NUTM1: variants seen among roughly 807,000 people sequenced by gnomAD.
NUTM1 encodes NUT midline carcinoma family member 1.
Under a neutral mutation model 88.7 loss-of-function variants are expected in NUTM1, and 39 were observed. The ratio of observed to expected loss-of-function variants is 0.44; its 90% CI spans 0.34 to 0.57. The LOEUF (loss-of-function observed/expected upper bound fraction) is 0.57. Ranked by LOEUF, NUTM1 falls within the 20% of genes least tolerant of loss-of-function variation. The pLI, the probability that NUTM1 is intolerant of heterozygous loss-of-function variation, is 0.01. For synonymous variants in NUTM1, 494 were observed against 538.0 expected, an observed-to-expected ratio of 0.92 and a Z score of 1.13; for missense variants, 1,350 against 1,414.5, an observed-to-expected ratio of 0.95 and a Z score of 0.73.
chr15:34,357,613 T>G lies in NUTM1; in HGVS notation c.*122T>G, dbSNP rs896465683. The G allele has an allele frequency of 3.8e-6, 6 of 1,580,980 alleles. No individual in the cohort carries two copies. In the African/African-American group the frequency reaches 6.7e-5, roughly 18 times the overall value. On this transcript the variant is annotated 3_prime_UTR_variant, in exon 8 of 8. Coordinates refer to ENST00000537011, the MANE Select transcript of NUTM1 (RefSeq NM_001284292.2). ...TGTTGAATCTCATCCCAATGTTGTT[T>G]TGTTGTTCTGCAAAAGTGGCAAGCA...
chr15:34,343,494 A>C lies in NUTM1; in HGVS notation c.-203A>C. The C allele has an allele frequency of 8.2e-7, 1 of 1,215,078 alleles. No homozygotes were observed. Among genetic ancestry groups the C allele is most frequent in the South Asian group, 1.5e-5 (1 of 67,784 alleles). The allele number at this position is 1,215,078 out of a possible 1,614,324, so 75.3% of individuals were successfully genotyped here. A position where few individuals can be genotyped will look rare whatever the true frequency, so the allele number is the denominator to read the frequency against. On this transcript the variant is annotated 5_prime_UTR_variant, in exon 1 of 8. Transcript: ENST00000537011. ...AGCCCCTTTACCCTAGGGAAGAAAG[A>C]AGAGGTTTTCTTCCCTCCCCTCTTT...
Position 34,355,689 on chromosome 15 carries a change from G to A in NUTM1, c.1681G>A (p.Ala561Thr). The A allele has an allele frequency of 1.2e-6, 2 of 1,609,436 alleles. No homozygotes were observed. Among genetic ancestry groups the A allele is most frequent in the Non-Finnish European group, 1.7e-6 (2 of 1,177,422 alleles). ...AAAGGTTTCTTCTTCAGGAAAACGG[G>A]CAAGAGAAGTGCATGGTGGGCAGGA... ...LGKVSSSGKRAREVHGGQEQA... is the reference protein window; with the variant it reads ...LGKVSSSGKRTREVHGGQEQA... Residue 561 changes from alanine (A) to threonine (T), a missense_variant, in exon 8 of 8, where the codon GCA becomes ACA. By Grantham distance (58) the Ala-to-Thr change is moderately conservative (BLOSUM62 0). This residue lies in a region of NUTM1 where 730 missense variants were observed against 728.8 expected (regional missense o/e 1.00). Coordinates refer to ENST00000537011, the MANE Select transcript of NUTM1 (RefSeq NM_001284292.2). This position sits in a 1 kb window ranked among gnomAD's most constrained non-coding sequence, Gnocchi z 4.3.
Position 34,354,640 on chromosome 15 carries a change from G to A in NUTM1, c.1270G>A (p.Gly424Arg). ...GTCAGATGGAAAACAAGAGGAAGAA[G>A]GGCAGCAGCAGGAGGAGGAAGGGAT... Reference protein sequence around the residue: ...GESDGKQEEEGQQQEEEGMYP... With the variant: ...GESDGKQEEERQQQEEEGMYP... The change falls in exon 6 of 8, where the codon GGG becomes AGG. Residue 424 changes from glycine (G) to arginine (R), a missense_variant. By Grantham distance (125) the Gly-to-Arg change is moderately radical. This residue lies in a region of NUTM1 where 126 missense variants were observed against 189.8 expected (regional missense o/e 0.66). Transcript: ENST00000537011. The A allele has an allele frequency of 1.2e-6, 2 of 1,614,162 alleles. No homozygotes were observed. The highest frequency in any genetic ancestry group is 1.7e-6 in the Non-Finnish European group (2 of 1,180,024).
intron 3 of NUTM1, 101 bp downstream of exon 3, chr15:34,348,778 A>T: frequency 1.3e-6 from 1 of 758,284 alleles, no homozygotes; most frequent in Non-Finnish European, 2.2e-6. Flanking sequence ...ACTTGAGGGA[A>T]GGTCATGAGG....
chr15:34,347,074 T>C (rs1890606400), intron 2 of NUTM1, among the ~76,000 whole-genome samples: 1 of 151,898 alleles, frequency 6.6e-6, no homozygotes, highest in Non-Finnish European at 1.5e-5. Flanking sequence ...TCCCCATCCA[T>C]ATCCCCTCTT....
intron 1 of NUTM1, 179 bp from the exon 2 acceptor site, chr15:34,345,763 G>T: frequency 1.3e-6 from 1 of 792,356 alleles, no homozygotes; most frequent in Non-Finnish European, 1.9e-6. Context: ...TAGTTTGAAG[G>T]GAATTCCTGG....
rs537822814 is a variant in NUTM1 at position 34,348,733 on chromosome 15, T to C, written c.809+56T>C. The stretch of plus-strand genomic sequence containing the variant: ...TAGGGCTTTTAAATAAGGAGGACTT[T>C]GGGGTGAACATAGTAGTTTAGGCTG... On this transcript the variant is annotated intron_variant, in intron 3 of 7. Transcript: ENST00000537011. 5 of 1,295,688 alleles carry C rather than the reference T, an allele frequency of 3.9e-6. No individual in the cohort carries two copies. The African/African-American group carries it at 4.4e-5, about 11-fold the overall frequency. 80.3% of individuals were successfully genotyped at this position (1,295,688 alleles called of 1,614,324 possible). A position where few individuals can be genotyped will look rare whatever the true frequency, so the allele number is the denominator to read the frequency against.
chr15:34,351,470 T>C (rs1030344031), intron 4 of NUTM1, among the ~76,000 whole-genome samples: 3 of 151,936 alleles, frequency 2.0e-5, no homozygotes, highest in African/African-American at 7.3e-5. Context: ...TTGCTTCTTC[T>C]TCCACCACCT....
intron 2 of NUTM1, 49 bp from the exon 3 acceptor site, chr15:34,347,920 T>TTTA (rs745806489): frequency 1.8e-6 from 2 of 1,124,664 alleles, no homozygotes; most frequent in South Asian, 3.3e-5. Context: ...TGGCTAACTC[T>TTTA]GGTCTTCTTT....
rs1890530304 is a variant in NUTM1 at position 34,343,784 on chromosome 15, T to C, written c.6+82T>C. The C allele has an allele frequency of 2.4e-6, 3 of 1,260,112 alleles. No individual in the cohort carries two copies. In the Admixed American group the frequency reaches 7.0e-5, roughly 29 times the overall value. The allele number at this position is 1,260,112 out of a possible 1,614,324, so 78.1% of individuals were successfully genotyped here. A position where few individuals can be genotyped will look rare whatever the true frequency, so the allele number is the denominator to read the frequency against. ...TAAAAGAATATAGAAGTTCTCCTTA[T>C]AAGACTCTCGTTTAAAGAAATGAAA... On this transcript the variant is annotated intron_variant, in intron 1 of 7. Coordinates refer to ENST00000537011, the MANE Select transcript of NUTM1 (RefSeq NM_001284292.2).
chr15:34,354,558 G>A lies in NUTM1; in HGVS notation c.1188G>A (p.Val396=), dbSNP rs753701720. 1 of 1,614,190 alleles carries A rather than the reference G, an allele frequency of 6.2e-7. No homozygotes were observed. ...CCAAGGAGATCCCACCAGAAGCTGT[G>A]AAGGAGTATGTTGACATCATGGAAT... ...EAPKEIPPEA[V]KEYVDIMEWL... The change falls in exon 6 of 8, where the codon GTG becomes GTA. Residue 396 remains valine (V), a synonymous_variant. Coordinates refer to ENST00000537011, the MANE Select transcript of NUTM1 (RefSeq NM_001284292.2).
rs958937040 is a variant in NUTM1 at position 34,353,841 on chromosome 15, G to C, written c.1044G>C (p.Gly348=). 4 of 1,613,706 alleles carry C rather than the reference G, an allele frequency of 2.5e-6. No homozygotes were observed. The highest frequency in any genetic ancestry group is 2.2e-5 in the East Asian group (1 of 44,894). Residue 348 remains glycine (G), a synonymous_variant, in exon 5 of 8, where the codon GGG becomes GGC. Transcript: ENST00000537011. Reference sequence around the variant, plus strand: ...CCCCTTTGAAACTTGATCCTCTAGGGCCCCTGGCCTCTGAGGTTTGCCAGC... The same window carrying C: ...CCCCTTTGAAACTTGATCCTCTAGGCCCCCTGGCCTCTGAGGTTTGCCAGC... ...PATPLKLDPL[G]PLASEVCQQP...
In NUTM1 at chr15:34,355,227, T is replaced by G; in HGVS notation, c.1479+90T>G. On this transcript the variant is annotated intron_variant, in intron 7 of 7. Transcript: ENST00000537011. This position sits in a 1 kb window ranked among gnomAD's most constrained non-coding sequence, Gnocchi z 4.3. ...GTCGTGGGTGATATGGCTCTAGAGA[T>G]GAACAGCTTCAGGATTGGGCTTCAG... The G allele has an allele frequency of 2.2e-6, 2 of 917,902 alleles. No homozygotes were observed. The highest frequency in any genetic ancestry group is 3.5e-6 in the Non-Finnish European group (2 of 564,774). The allele number at this position is 917,902 out of a possible 1,614,324, so 56.9% of individuals were successfully genotyped here. A position where few individuals can be genotyped will look rare whatever the true frequency, so the allele number is the denominator to read the frequency against.
rs1890763128 is a variant in NUTM1, at chr15:34,354,486, C to G, written c.1116C>G (p.Pro372=). ...PKKAASKTRA[P]RRRQRKAQRP... ...AGGCAGCCTCCAAGACACGGGCCCC[C>G]CGCCGGCGTCAGCGTAAAGCCCAGA... The change falls in exon 6 of 8, where the codon CCC becomes CCG. Residue 372 remains proline (P), a synonymous_variant. Transcript: ENST00000537011. 2.5e-6 allele frequency: 4 copies of G among 1,614,156 alleles called. No homozygotes were observed. The highest frequency in any genetic ancestry group is 2.5e-6 in the Non-Finnish European group (3 of 1,180,038).
chr15:34,354,355 G>A (rs1157316047), intron 5 of NUTM1, 91 bp from the exon 6 acceptor site: 2 of 1,354,458 alleles, frequency 1.5e-6, no homozygotes, highest in Non-Finnish European at 2.1e-6. Context: ...CCATTCTCCT[G>A]TCCATCTCTT....
intron 3 of NUTM1, among the ~76,000 whole-genome samples, chr15:34,349,696 T>C (rs1023378788): frequency 6.6e-6 from 1 of 152,214 alleles, no homozygotes; most frequent in Admixed American, 6.5e-5. Context: ...CATGGTGCTC[T>C]TCCAGTGGCT....
At position 34,349,355 on chromosome 15, in the gene NUTM1, G is replaced by C. The variant is rs77742663; in HGVS notation, c.809+678G>C. ...ATACCTAATTCACAGAGTTGCTGAG[G>C]AGATTAAATGGGTTAATATATGTGA... On this transcript the variant is annotated intron_variant, in intron 3 of 7. Coordinates refer to ENST00000537011, the MANE Select transcript of NUTM1 (RefSeq NM_001284292.2). 6.9e-3 allele frequency among the ~76,000 whole-genome samples: 1,051 copies of C among 152,272 alleles called. 11 individuals are homozygous for C. The highest frequency in any genetic ancestry group is 0.024 in the African/African-American group (1,002 of 41,528).
intron 4 of NUTM1, among the ~76,000 whole-genome samples, chr15:34,353,529 A>G (rs1222010541): frequency 1.3e-5 from 2 of 152,152 alleles, no homozygotes; most frequent in Admixed American, 6.5e-5. Flanking sequence ...TTATGACTAT[A>G]GGGGAAGGAA....
chr15:34,352,401 C>T (rs988901244), intron 4 of NUTM1, among the ~76,000 whole-genome samples: 1 of 151,972 alleles, frequency 6.6e-6, no homozygotes, highest in Non-Finnish European at 1.5e-5. Flanking sequence ...AGGAGGATCC[C>T]ACTGTGAGAT....
Sources: gnomAD v4.1 joint callset for allele counts (sites outside exome capture counted in the v4.1 genomes callset) on GRCh38, gnomAD v4.1.1 for gene constraint, gnomAD v4.1.1 regional missense constraint, Gnocchi (gnomAD v3.1) non-coding constraint, MANE v1.5 for transcripts, NCBI Gene and HGNC (gene_info 2026-07-23, HGNC 2026-07-21) for gene names.